RBMS3: variants seen among roughly 807,000 people sequenced by gnomAD.
The protein encoded by RBMS3 is RNA-binding motif, single-stranded-interacting protein 3.
A neutral mutation model predicts 66.8 loss-of-function variants in RBMS3; 27 were observed. The observed-to-expected ratio is 0.40, with a 90% CI of 0.30 to 0.56. The LOEUF is 0.56. Among genes scored for constraint, RBMS3 ranks in the 20% least tolerant of loss-of-function variants. The pLI, the probability that RBMS3 is intolerant of heterozygous loss-of-function variation, is 0.40. For synonymous variants in RBMS3, 188 were observed against 183.0 expected (o/e 1.03, Z -0.22); for missense variants, 513 against 549.5 (o/e 0.93, Z 0.66).
At chr3:29,645,998 G>T (rs1362747888) in intron 4 of RBMS3, among the ~76,000 whole-genome samples, 1 of 152,158 alleles carries the variant, frequency 6.6e-6, no homozygotes, top group East Asian at 1.9e-4. Flanking sequence ...AATCTTGCTG[G>T]TTATGCATTG....
chr3:29,661,316 T>C (rs917155976), intron 4 of RBMS3, among the ~76,000 whole-genome samples: 6 of 152,204 alleles, frequency 3.9e-5, no homozygotes, highest in Non-Finnish European at 7.3e-5. Context: ...GCTGGTTGTG[T>C]ATAGAATCTC....
chr3:29,611,848 A>G (rs1314192027), intron 4 of RBMS3, among the ~76,000 whole-genome samples: 1 of 152,026 alleles, frequency 6.6e-6, no homozygotes, highest in Non-Finnish European at 1.5e-5. Flanking sequence ...GAGGTGATCA[A>G]TGTTATCAGG....
At chr3:29,373,276 A>G (rs191582847) in intron 1 of RBMS3, among the ~76,000 whole-genome samples, 1 of 152,300 alleles carries the variant, frequency 6.6e-6, no homozygotes, top group East Asian at 1.9e-4. Flanking sequence ...GGGTAGAAGC[A>G]GCTTCTGAAA....
intron 4 of RBMS3, among the ~76,000 whole-genome samples, chr3:29,686,232 A>G (rs2051728383): frequency 6.6e-6 from 1 of 152,176 alleles, no homozygotes; most frequent in Non-Finnish European, 1.5e-5. Flanking sequence ...AGTACATTCT[A>G]ATAAAATTAC....
chr3:29,638,729 A>T (rs1481042984), intron 4 of RBMS3, among the ~76,000 whole-genome samples: 1 of 151,920 alleles, frequency 6.6e-6, no homozygotes. Flanking sequence ...ATACAGGCCA[A>T]CACATCCCGT....
intron 3 of RBMS3, among the ~76,000 whole-genome samples, chr3:29,496,195 C>CAAAAAAAAAAAAA (rs60639896): frequency 1.8e-4 from 20 of 110,306 alleles, no homozygotes; most frequent in East Asian, 2.3e-4. Context: ...CCGCCCACAT[C>CAAAAAAAAAAAAA]AAAAAAAAAA....
intron 1 of RBMS3, among the ~76,000 whole-genome samples, chr3:29,291,622 A>T (rs1214407804): frequency 6.6e-6 from 1 of 151,844 alleles, no homozygotes. Flanking sequence ...TCTATGGCAT[A>T]ATTTTTCTCA....
At chr3:29,589,630 G>C (rs2047655515) in intron 4 of RBMS3, among the ~76,000 whole-genome samples, 1 of 152,100 alleles carries the variant, frequency 6.6e-6, no homozygotes. Context: ...TGTATTAGCA[G>C]ATTTCTCACT....
At chr3:29,842,049 G>A (rs543222311) in intron 6 of RBMS3, among the ~76,000 whole-genome samples, 92 of 152,142 alleles carry the variant, frequency 6.0e-4, no homozygotes, top group African/African-American at 2.1e-3. Context: ...TCTCCCCTTA[G>A]AATGGCTGTT....
At chr3:29,299,659 A>G (rs926166499) in intron 1 of RBMS3, among the ~76,000 whole-genome samples, 1 of 151,926 alleles carries the variant, frequency 6.6e-6, no homozygotes, top group African/African-American at 2.4e-5. Context: ...TTTATATAGC[A>G]TTTACACTGT....
intron 2 of RBMS3, among the ~76,000 whole-genome samples, chr3:29,471,479 C>T (rs1043309625): frequency 2.0e-5 from 3 of 152,104 alleles, no homozygotes; most frequent in African/African-American, 7.2e-5. Flanking sequence ...GAACAAGAGG[C>T]CACCTCTTGA....
chr3:29,473,551 CA>C (rs1267648809), intron 2 of RBMS3, among the ~76,000 whole-genome samples: 8 of 152,326 alleles, frequency 5.3e-5, no homozygotes, highest in Non-Finnish European at 8.8e-5. Context: ...GCCGTGGAAC[CA>C]GGGGTGGCGC....
chr3:29,368,139 T>G (rs188669522), intron 1 of RBMS3, among the ~76,000 whole-genome samples: 8 of 152,304 alleles, frequency 5.3e-5, no homozygotes, highest in Non-Finnish European at 1.0e-4. Flanking sequence ...GGCCATCAAT[T>G]TAGTTGACTT....
At chr3:29,912,581 G>A (rs1331327900) in intron 10 of RBMS3, among the ~76,000 whole-genome samples, 1 of 152,032 alleles carries the variant, frequency 6.6e-6, no homozygotes, top group Non-Finnish European at 1.5e-5. Context: ...TCAGCGTAGT[G>A]TCTTAATTGG....
chr3:29,425,732 T>C (rs1188499776), intron 1 of RBMS3, among the ~76,000 whole-genome samples: 3 of 152,192 alleles, frequency 2.0e-5, no homozygotes, highest in Non-Finnish European at 4.4e-5. Flanking sequence ...TGTAAGAATG[T>C]TACTCTAAGC....
At chr3:29,573,843 T>C (rs1374916305) in intron 3 of RBMS3, among the ~76,000 whole-genome samples, 2 of 152,220 alleles carry the variant, frequency 1.3e-5, no homozygotes, top group African/African-American at 4.8e-5. Context: ...AGGAGCATAT[T>C]GTTTAATCTC....
At chr3:29,948,468 T>G (rs1224843941) in intron 12 of RBMS3, among the ~76,000 whole-genome samples, 2 of 151,794 alleles carry the variant, frequency 1.3e-5, no homozygotes, top group East Asian at 1.9e-4. Flanking sequence ...CAGAGTATTT[T>G]AGCTGCTTCA....
At chr3:29,574,173 A>G (rs1308688796) in intron 3 of RBMS3, among the ~76,000 whole-genome samples, 1 of 152,156 alleles carries the variant, frequency 6.6e-6, no homozygotes, top group Non-Finnish European at 1.5e-5. Flanking sequence ...TGTCTTAGCT[A>G]TTATTGTATT....
At chr3:29,839,690 TATA>T (rs2058615758) in intron 6 of RBMS3, among the ~76,000 whole-genome samples, 1 of 151,832 alleles carries the variant, frequency 6.6e-6, no homozygotes, top group East Asian at 1.9e-4. Context: ...ATGACTCAGT[TATA>T]ATAAAAACTA....
Sources: gnomAD v4.1 joint callset for allele counts (sites outside exome capture counted in the v4.1 genomes callset) on GRCh38, gnomAD v4.1.1 for gene constraint, MANE v1.5 for transcripts, NCBI Gene and HGNC (gene_info 2026-07-23, HGNC 2026-07-21) for gene names.